Variants in LPA observed in about 807,000 individuals in gnomAD.
LPA encodes the protein lipoprotein(a).
A neutral mutation model predicts 197.9 loss-of-function variants in LPA; 199 were observed. The observed-to-expected ratio is 1.01, with a 90% CI of 0.90 to 1.13. The LOEUF (loss-of-function observed/expected upper bound fraction) is 1.13, where lower values mean the gene tolerates loss of function less well. LPA is among the 50% of genes most tolerant of loss of function. The pLI, the probability that LPA is intolerant of heterozygous loss-of-function variation, is 0.00. For missense variants in LPA, 1,853 were observed against 1,785.8 expected (o/e 1.04, Z -0.68); for synonymous variants, 715 against 639.5 (o/e 1.12, Z -1.78).
chr6:160,607,384 G>A (rs1779380408), intron 16 of LPA, among the ~76,000 whole-genome samples: 1 of 152,122 alleles, frequency 6.6e-6, no homozygotes, highest in Admixed American at 6.5e-5. Flanking sequence ...CCTGCTCTCA[G>A]TCTACCCTCT....
intron 34 of LPA, among the ~76,000 whole-genome samples, chr6:160,541,813 C>G (rs1229577773): frequency 6.6e-6 from 1 of 152,138 alleles, no homozygotes; most frequent in Non-Finnish European, 1.5e-5. Flanking sequence ...GACCACCACA[C>G]AGTTTAGGAA....
chr6:160,567,010 T>C (rs1778468688), intron 28 of LPA, among the ~76,000 whole-genome samples: 2 of 152,180 alleles, frequency 1.3e-5, no homozygotes, highest in Admixed American at 6.5e-5. Flanking sequence ...CTTAGAGACC[T>C]ACAAAGAGAC....
Position 160,547,896 on chromosome 6 carries a change from C to T in LPA, c.5197G>A (p.Ala1733Thr), listed in dbSNP as rs1778099595. The change falls in exon 32 of 39, where the codon GCA (alanine) becomes ACA (threonine). Residue 1733 changes from alanine to threonine, a missense_variant. Ala to Thr is a moderately conservative substitution (Grantham distance 58, BLOSUM62 0). Transcript: ENST00000316300. ...CATGGCGTCCCAGTAACAGTGGTTG[C>T]CTTCTTGCCCCGGTATCCTTTCCCA... ...GNGKGYRGKK[A>T]TTVTGTPCQE... The T allele has an allele frequency of 6.2e-7, 1 of 1,614,038 alleles. No homozygotes were observed. The highest frequency in any genetic ancestry group is 1.3e-5 in the African/African-American group (1 of 74,992).
chr6:160,563,150 T>G (rs1778390990), intron 28 of LPA, among the ~76,000 whole-genome samples: 1 of 152,170 alleles, frequency 6.6e-6, no homozygotes, highest in South Asian at 2.1e-4. Flanking sequence ...TTCTTTGAAT[T>G]GTGATGTTAG....
At chr6:160,576,101 T>C (rs1453340741) in intron 28 of LPA, among the ~76,000 whole-genome samples, 1 of 151,996 alleles carries the variant, frequency 6.6e-6, no homozygotes, top group Non-Finnish European at 1.5e-5. Flanking sequence ...TTGTGCAACT[T>C]GTGAAAACAG....
chr6:160,567,695 T>G (rs1778483558), intron 28 of LPA, among the ~76,000 whole-genome samples: 1 of 152,080 alleles, frequency 6.6e-6, no homozygotes, highest in African/African-American at 2.4e-5. Context: ...AAAACATCAA[T>G]GAATCCAGGA....
At chr6:160,647,104 G>T (rs536744067) in intron 2 of LPA, among the ~76,000 whole-genome samples, 1 of 152,250 alleles carries the variant, frequency 6.6e-6, no homozygotes, top group South Asian at 2.1e-4. Context: ...TGGGTTCCTG[G>T]GCAGGACCTT....
chr6:160,632,011 T>G (rs1423566224), intron 8 of LPA, among the ~76,000 whole-genome samples: 1 of 151,910 alleles, frequency 6.6e-6, no homozygotes, highest in Non-Finnish European at 1.5e-5. Flanking sequence ...TGTGTGTGTG[T>G]GTGTGTGTGT....
In LPA at chr6:160,611,589, C is replaced by T. The variant is rs201483335; in HGVS notation, c.2576G>A (p.Ser859Asn). ...AWSSMTPHSH[S>N]RTPEYYPNAG... Reference sequence around the variant, plus strand: ...ATTTGGGTAGTATTCTGGGGTCCGACTATGCGAGTGTGGTGTCATAGATGA... The same window carrying T: ...ATTTGGGTAGTATTCTGGGGTCCGATTATGCGAGTGTGGTGTCATAGATGA... Residue 859 changes from serine (S) to asparagine (N), a missense_variant, in exon 16 of 39, where the codon AGT (serine) becomes AAT (asparagine). By Grantham distance (46) the Ser-to-Asn change is conservative. Around this residue, in one of 3 missense-constraint regions of LPA, gnomAD observed 1,737 missense variants for 1,504.4 expected, o/e 1.15. Transcript: ENST00000316300. 6 of 1,604,410 alleles carry T rather than the reference C, an allele frequency of 3.7e-6. No individual in the cohort carries two copies. In the South Asian group the frequency reaches 5.5e-5, roughly 15 times the overall value.
chr6:160,547,934 C>T lies in LPA; in HGVS notation c.5159G>A (p.Cys1720Tyr). The change falls in exon 32 of 39, where the codon TGT becomes TAT. Residue 1720 changes from cysteine to tyrosine, a missense_variant. Coordinates refer to ENST00000316300, the MANE Select transcript of LPA (RefSeq NM_005577.4). ...PSLGPPSEQDCMFGNGKGYRG... is the reference protein window; with the variant it reads ...PSLGPPSEQDYMFGNGKGYRG... ...GTATCCTTTCCCATTCCCAAACATA[C>T]AGTCTGTAGAAAAAAATAAAAATAA... 2 of 1,613,918 alleles carry T rather than the reference C, an allele frequency of 1.2e-6. No homozygotes were observed. The highest frequency in any genetic ancestry group is 1.7e-6 in the Non-Finnish European group (2 of 1,179,976).
At chr6:160,579,329 G>A (rs1778746601) in intron 26 of LPA, among the ~76,000 whole-genome samples, 1 of 152,098 alleles carries the variant, frequency 6.6e-6, no homozygotes, top group Admixed American at 6.5e-5. Context: ...GGGTCTACAG[G>A]ACTTATAAAA....
Position 160,572,091 on chromosome 6 carries a change from C to T in LPA, c.4631+5045G>A, listed in dbSNP as rs181412912. On this transcript the variant is annotated intron_variant, in intron 28 of 38. Transcript: ENST00000316300. ...TTGTGCCAGAATGCACTGGTCTTCA[C>T]GGCACAGTCCCTCACGGCTTCCTTT... 1.1e-3 allele frequency among the ~76,000 whole-genome samples: 165 copies of T among 152,316 alleles called. 1 individual carries two copies. The highest frequency in any genetic ancestry group is 1.9e-3 in the Non-Finnish European group (128 of 68,026).
chr6:160,606,268 A>C (rs1779348048), intron 17 of LPA, among the ~76,000 whole-genome samples: 1 of 152,144 alleles, frequency 6.6e-6, no homozygotes, highest in Non-Finnish European at 1.5e-5. Flanking sequence ...GGTTTGTGCC[A>C]ATTCTAAAGA....
intron 28 of LPA, among the ~76,000 whole-genome samples, chr6:160,564,957 C>T (rs544296701): frequency 2.2e-4 from 34 of 152,262 alleles, no homozygotes; most frequent in South Asian, 1.7e-3. Context: ...AACTGCAAGG[C>T]GGCAGCAAAG....
intron 28 of LPA, among the ~76,000 whole-genome samples, chr6:160,568,712 T>A (rs1001494299): frequency 6.6e-6 from 1 of 152,232 alleles, no homozygotes; most frequent in Non-Finnish European, 1.5e-5. Flanking sequence ...TGTTTGCAGA[T>A]GACATGATTG....
At chr6:160,572,002 G>A (rs978496977) in intron 28 of LPA, among the ~76,000 whole-genome samples, 4 of 152,356 alleles carry the variant, frequency 2.6e-5, no homozygotes, top group African/African-American at 7.2e-5. Flanking sequence ...GGCCCTGGTG[G>A]TGTAGGCACC....
At position 160,586,577 on chromosome 6, in the gene LPA, C is replaced by T; in HGVS notation, c.4001G>A (p.Cys1334Tyr). 6.2e-7 allele frequency: 1 copy of T among 1,613,790 alleles called. No homozygotes were observed. Among genetic ancestry groups the T allele is most frequent in the South Asian group, 1.1e-5 (1 of 91,072 alleles). ...RNPDAEIRPW[C>Y]YTMDPSVRWE... ...TCTGACACTGGGATCCATGGTATAA[C>T]ACCAAGGGCGAATCTCAGCATCTGG... Residue 1334 changes from cysteine (C) to tyrosine (Y), a missense_variant, in exon 25 of 39, where the codon TGT becomes TAT. By Grantham distance (194) the Cys-to-Tyr change is radical (BLOSUM62 -2). Around this residue, in one of 3 missense-constraint regions of LPA, gnomAD observed 1,737 missense variants for 1,504.4 expected, o/e 1.15. Transcript: ENST00000316300.
At chr6:160,566,822 A>G (rs1778464348) in intron 28 of LPA, among the ~76,000 whole-genome samples, 1 of 152,162 alleles carries the variant, frequency 6.6e-6, no homozygotes, top group South Asian at 2.1e-4. Context: ...GGAAAACAAC[A>G]AAAAAAGCAG....
At chr6:160,553,581 T>G (rs1349942603) in intron 30 of LPA, among the ~76,000 whole-genome samples, 2 of 152,260 alleles carry the variant, frequency 1.3e-5, no homozygotes, top group East Asian at 3.8e-4. Flanking sequence ...CTTTCATTAC[T>G]GTCCCTCTAT....
Sources: allele counts gnomAD v4.1 joint callset (sites outside exome capture counted in the v4.1 genomes callset), GRCh38; gene constraint gnomAD v4.1.1; regional missense constraint gnomAD v4.1.1; transcripts MANE v1.5; gene names NCBI Gene and HGNC (gene_info 2026-07-23, HGNC 2026-07-21).